Variants in FHDC1 observed in about 807,000 individuals in gnomAD.
FHDC1 encodes the protein FH2 domain-containing protein 1.
In FHDC1, 25 loss-of-function variants were observed where a neutral mutation model predicts 52.6. The ratio of observed to expected loss-of-function variants is 0.48; its 90% CI spans 0.35 to 0.66. FHDC1 has a LOEUF of 0.66. Among genes scored for constraint, FHDC1 ranks in the 30% least tolerant of loss-of-function variants. FHDC1 has a pLI of 0.01. For missense variants in FHDC1, 1,459 were observed against 1,452.8 expected (o/e 1.00, Z -0.07); for synonymous variants, 616 against 581.5 (o/e 1.06, Z -0.85).
At chr4:152,949,106 T>TAAGAAG (rs1341582128) in intron 2 of FHDC1, among the ~76,000 whole-genome samples, 8 of 69,686 alleles carry the variant, frequency 1.1e-4, no homozygotes, top group South Asian at 6.7e-4. Context: ...ATAATAATAA[T>TAAGAAG]AATAATAATA....
rs1561218007 is a variant in FHDC1, at chr4:152,976,414, C to T, written c.3123C>T (p.Ala1041=). Residue 1041 remains alanine, a synonymous_variant, in exon 12 of 12, where the codon GCC becomes GCT. Coordinates refer to ENST00000511601, the MANE Select transcript of FHDC1 (RefSeq NM_001371116.1). The part of the protein sequence containing the change: ...RVPSFARNTV[A]SSSRSMRTDL... ...CGAGCTTTGCCCGGAACACAGTGGC[C>T]TCCTCCTCTCGAAGCATGAGAACAG... is the stretch of plus-strand genomic sequence containing the variant. The T allele has an allele frequency of 1.5e-5, 24 of 1,613,748 alleles. No homozygotes were observed. The highest frequency in any genetic ancestry group is 1.9e-5 in the Non-Finnish European group (23 of 1,180,020).
chr4:152,928,515 C>T, the FHDC1 span, among the ~76,000 whole-genome samples: 13 of 152,178 alleles, frequency 8.5e-5, no homozygotes, highest in South Asian at 1.4e-3. Flanking sequence ...GAATAGGCAC[C>T]GGTCGACTTG....
the FHDC1 span, among the ~76,000 whole-genome samples, chr4:152,923,123 C>G: frequency 1.3e-5 from 2 of 152,116 alleles, no homozygotes; most frequent in Admixed American, 6.5e-5. Flanking sequence ...CGTCTCAGCC[C>G]AAAATCTCCT....
intron 2 of FHDC1, among the ~76,000 whole-genome samples, chr4:152,944,875 T>C (rs1276030235): frequency 6.6e-6 from 1 of 152,228 alleles, no homozygotes; most frequent in Non-Finnish European, 1.5e-5. Context: ...CAAGAAGTCA[T>C]TTCCTTAGTA....
At chr4:152,963,769 GTTTTTTTTTTTTTTT>G (rs58783965) in intron 8 of FHDC1, among the ~76,000 whole-genome samples, 18 of 51,800 alleles carry the variant, frequency 3.5e-4, no homozygotes, top group African/African-American at 6.5e-4. Context: ...CCATTGCTTT[GTTTTTTTTTTTTTTT>G]TTTTTTTTTT....
intron 4 of FHDC1, 22 bp from the exon 5 acceptor site, chr4:152,960,543 C>T (rs1408910179): frequency 4.4e-6 from 7 of 1,588,438 alleles, no homozygotes; most frequent in East Asian, 2.2e-5. Context: ...TTATATACCC[C>T]CCCTTTCCAT....
At position 152,937,370 on chromosome 4, in the gene FHDC1, G is replaced by A. The variant is rs1384285968; in HGVS notation, c.-131+961G>A. On this transcript the variant is annotated intron_variant, in intron 1 of 11. Transcript: ENST00000511601. ...ACACGGACACCTCCCCTAGTTAGCC[G>A]TCTCCCACCCAACTTCTGGGCGCAG... Among the ~76,000 whole-genome samples, 5 of 152,096 alleles carry A rather than the reference G, an allele frequency of 3.3e-5. No individual in the cohort carries two copies. In the East Asian group the frequency reaches 9.7e-4, roughly 30 times the overall value.
intron 8 of FHDC1, among the ~76,000 whole-genome samples, chr4:152,964,424 G>C (rs959084322): frequency 6.6e-6 from 1 of 152,214 alleles, no homozygotes; most frequent in East Asian, 1.9e-4. Flanking sequence ...TCCATGTGGC[G>C]AAGCCTCCTG....
Position 152,968,023 on chromosome 4 carries a change from G to T in FHDC1, c.1144G>T (p.Val382Phe), listed in dbSNP as rs1561212820. The T allele has an allele frequency of 6.2e-7, 1 of 1,613,840 alleles. No individual in the cohort carries two copies. Among genetic ancestry groups the T allele is most frequent in the Non-Finnish European group, 8.5e-7 (1 of 1,179,906 alleles). Residue 382 changes from valine to phenylalanine, a missense_variant, in exon 10 of 12, where the codon GTC (valine) becomes TTC (phenylalanine). By Grantham distance (50) the Val-to-Phe change is conservative. Around this residue, in one of 3 missense-constraint regions of FHDC1, gnomAD observed 513 missense variants for 581.5 expected, o/e 0.88. Coordinates refer to ENST00000511601, the MANE Select transcript of FHDC1 (RefSeq NM_001371116.1). ...NTEAELHLLF[V>F]RTKSLKENIQ... ...GGAGGCAGAACTGCACTTGCTGTTT[G>T]TCAGGACAAAATCACTAAAAGAAAA...
At chr4:152,960,129 A>AT (rs1326684382) in intron 4 of FHDC1, among the ~76,000 whole-genome samples, 6 of 152,010 alleles carry the variant, frequency 3.9e-5, no homozygotes, top group Non-Finnish European at 7.4e-5. Flanking sequence ...TCAAAATAAG[A>AT]TTTTTTTCCG....
At chr4:152,925,804 A>G in the FHDC1 span, among the ~76,000 whole-genome samples, 1 of 151,786 alleles carries the variant, frequency 6.6e-6, no homozygotes, top group African/African-American at 2.4e-5. Context: ...CTGTTATAGT[A>G]ACTATTTTAG....
the FHDC1 span, among the ~76,000 whole-genome samples, chr4:152,913,255 A>T: frequency 1.3e-5 from 2 of 152,374 alleles, no homozygotes; most frequent in Middle Eastern, 6.8e-3. Flanking sequence ...GCTTCATACT[A>T]GGTAGATTGC....
upstream of FHDC1, among the ~76,000 whole-genome samples, chr4:152,934,877 G>A (rs1739320841): frequency 6.6e-6 from 1 of 152,158 alleles, no homozygotes; most frequent in South Asian, 2.1e-4. Context: ...GGAGGAGTAG[G>A]CAAGGGGTGT....
At chr4:152,934,151 T>G (rs1438851063), upstream of FHDC1, among the ~76,000 whole-genome samples, 1 of 152,188 alleles carries the variant, frequency 6.6e-6, no homozygotes, top group Non-Finnish European at 1.5e-5. Context: ...CTTCCACTAC[T>G]TGGGGTTACT....
rs1561206232 is a variant in FHDC1, at chr4:152,952,331, C to CA, written c.499-1168_499-1167insA. 9.9e-5 allele frequency among the ~76,000 whole-genome samples: 15 copies of CA among 152,184 alleles called. No homozygotes were observed. In the East Asian group the frequency reaches 2.9e-3, roughly 30 times the overall value. ...TTATTTTCTCAGTTCAAATCTCACG[C>CA]GATTCTTGTTAGGCCAAGACATCCA... is the stretch of plus-strand genomic sequence containing the variant. On this transcript the variant is annotated intron_variant, in intron 2 of 11. Transcript: ENST00000511601.
intron 5 of FHDC1, 37 bp downstream of exon 5, chr4:152,960,687 G>A (rs764011436): frequency 6.2e-7 from 1 of 1,611,492 alleles, no homozygotes; most frequent in Admixed American, 1.7e-5. Flanking sequence ...TCTTCACGCA[G>A]TAAGATTTTT....
chr4:152,979,075 A>C lies in FHDC1; in HGVS notation c.*2352A>C, dbSNP rs563674202. ...TGGAAAATGGATGCAAGTGATTCTA[A>C]GTTTGTGGATTTGTGGATAGCAGAG... On this transcript the variant is annotated 3_prime_UTR_variant, in exon 12 of 12. Transcript: ENST00000511601. 1 of 152,340 alleles carries C rather than the reference A, an allele frequency of 6.6e-6. No individual in the cohort carries two copies. The highest frequency in any genetic ancestry group is 2.4e-5 in the African/African-American group (1 of 41,568). The allele number at this position is 152,340 out of a possible 1,614,324, so 9.4% of individuals were successfully genotyped here.
chr4:152,931,455 AACACAC>A (rs56142204), upstream of FHDC1, among the ~76,000 whole-genome samples: 19,739 of 127,046 alleles, frequency 0.16, 1,676 homozygotes, highest in African/African-American at 0.18. Context: ...CAGCCTCTAA[AACACAC>A]ACACACACAC....
chr4:152,968,980 C>T, intron 10 of FHDC1, among the ~76,000 whole-genome samples: 1 of 151,936 alleles, frequency 6.6e-6, no homozygotes, highest in East Asian at 1.9e-4. Context: ...GTGTCGGGAG[C>T]TGCTCCAAAT....
Sources: gnomAD v4.1 joint callset for allele counts (sites outside exome capture counted in the v4.1 genomes callset) on GRCh38, gnomAD v4.1.1 for gene constraint, gnomAD v4.1.1 regional missense constraint, MANE v1.5 for transcripts, NCBI Gene and HGNC (gene_info 2026-07-23, HGNC 2026-07-21) for gene names.